Variants in ABI1 observed in about 807,000 individuals in gnomAD.
ABI1 encodes Abelson interactor 1.
ABI1 carries 14 observed loss-of-function variants against 54.6 expected under a neutral mutation model. The observed-to-expected ratio is 0.26, with a 90% CI of 0.17 to 0.40. The LOEUF (loss-of-function observed/expected upper bound fraction) is 0.40, where lower values mean the gene tolerates loss of function less well. Among genes scored for constraint, ABI1 ranks in the 10% least tolerant of loss-of-function variants. The pLI is 1.00. For synonymous variants in ABI1, 194 were observed against 209.3 expected, an observed-to-expected ratio of 0.93 and a Z score of 0.63; for missense variants, 443 against 598.3, an observed-to-expected ratio of 0.74 and a Z score of 2.71.
At chr10:26,852,368 A>T (rs2050465239) in intron 1 of ABI1, among the ~76,000 whole-genome samples, 1 of 152,058 alleles carries the variant, frequency 6.6e-6, no homozygotes, top group African/African-American at 2.4e-5. Context: ...AATCCCAGCT[A>T]CTCAGGATGC....
chr10:26,836,664 G>A (rs2049101749), intron 1 of ABI1, among the ~76,000 whole-genome samples: 1 of 152,080 alleles, frequency 6.6e-6, no homozygotes, highest in South Asian at 2.1e-4. Context: ...CTAAGAATAA[G>A]GCTAATAGTA....
At chr10:26,842,040 C>G (rs1311253026) in intron 1 of ABI1, among the ~76,000 whole-genome samples, 5 of 152,192 alleles carry the variant, frequency 3.3e-5, no homozygotes, top group African/African-American at 4.8e-5. Context: ...CCAATCCACA[C>G]TCCCACCAAC....
chr10:26,796,934 G>A (rs970684178), intron 2 of ABI1, among the ~76,000 whole-genome samples: 6 of 152,074 alleles, frequency 3.9e-5, no homozygotes, highest in Non-Finnish European at 5.9e-5. Flanking sequence ...TAGGGTTTGC[G>A]CTCCTGTGAG....
intron 2 of ABI1, among the ~76,000 whole-genome samples, chr10:26,815,486 A>G (rs1192274486): frequency 6.6e-6 from 1 of 152,250 alleles, no homozygotes; most frequent in African/African-American, 2.4e-5. Flanking sequence ...AATAAAGAAG[A>G]AAAATAATTT....
At chr10:26,838,397 T>A (rs893138487) in intron 1 of ABI1, among the ~76,000 whole-genome samples, 4 of 152,064 alleles carry the variant, frequency 2.6e-5, no homozygotes, top group African/African-American at 9.7e-5. Flanking sequence ...AGAATCAGTT[T>A]AGGGAAAGGG....
chr10:26,761,814 C>T (rs554768988), intron 7 of ABI1, among the ~76,000 whole-genome samples: 1 of 151,260 alleles, frequency 6.6e-6, no homozygotes, highest in South Asian at 2.1e-4. Context: ...CTATGCATAT[C>T]AATGTCATTC....
chr10:26,763,296 C>G (rs1300539050), intron 7 of ABI1, among the ~76,000 whole-genome samples: 1 of 152,210 alleles, frequency 6.6e-6, no homozygotes, highest in East Asian at 1.9e-4. Flanking sequence ...ATGGTTTTTA[C>G]ATTGACATTT....
In ABI1 at chr10:26,835,106, A is replaced by AAAAAAC. The variant is rs1564561552; in HGVS notation, c.118-11802_118-11801insGTTTTT. ...TCTACCTCAAAAAAAAAAAAAAAAA[A>AAAAAAC]AAAAAAAAACCCACAATGCAATATC... On this transcript the variant is annotated intron_variant, in intron 1 of 10. Transcript: ENST00000376140. 4.8e-5 allele frequency among the ~76,000 whole-genome samples: 6 copies of AAAAAAC among 124,754 alleles called. 1 individual carries two copies. The highest frequency in any genetic ancestry group is 1.3e-4 in the African/African-American group (4 of 30,848). 81.8% of individuals were successfully genotyped at this position (124,754 alleles called of 152,430 possible). A position where few individuals can be genotyped will look rare whatever the true frequency, so the allele number is the denominator to read the frequency against.
Position 26,748,553 on chromosome 10 carries a change from C to G in ABI1, c.*17G>C. 2 of 1,577,690 alleles carry G rather than the reference C, an allele frequency of 1.3e-6. No individual in the cohort carries two copies. Among genetic ancestry groups the G allele is most frequent in the Non-Finnish European group, 1.7e-6 (2 of 1,161,948 alleles). ...ATGACTGAGTAATAAGAATCTACTT[C>G]AAAAGAAAAAAAAAAATTAATCAGT... On this transcript the variant is annotated 3_prime_UTR_variant, in exon 11 of 11. Transcript: ENST00000376140.
intron 3 of ABI1, among the ~76,000 whole-genome samples, chr10:26,772,451 C>CA (rs1840809999): frequency 1.3e-5 from 2 of 152,038 alleles, no homozygotes; most frequent in African/African-American, 4.8e-5. Flanking sequence ...TTTGTCATTT[C>CA]AAGTGGATAA....
At chr10:26,794,125 C>T (rs1225247759) in intron 2 of ABI1, among the ~76,000 whole-genome samples, 20 of 152,052 alleles carry the variant, frequency 1.3e-4, no homozygotes, top group Admixed American at 1.3e-3. Context: ...CGCCTGTAGT[C>T]CCAGCTACTC....
intron 9 of ABI1, among the ~76,000 whole-genome samples, chr10:26,754,895 T>C (rs1230498539): frequency 6.6e-6 from 1 of 152,110 alleles, no homozygotes; most frequent in Non-Finnish European, 1.5e-5. Flanking sequence ...CAGGCAGTAA[T>C]ATAAACTAGT....
chr10:26,835,623 C>A (rs201557860), intron 1 of ABI1, among the ~76,000 whole-genome samples: 1 of 84,210 alleles, frequency 1.2e-5, no homozygotes, highest in East Asian at 5.3e-4. Flanking sequence ...AATACACACA[C>A]ACACACACAC....
At chr10:26,762,969 G>A (rs1019969064) in intron 7 of ABI1, among the ~76,000 whole-genome samples, 1 of 152,068 alleles carries the variant, frequency 6.6e-6, no homozygotes, top group African/African-American at 2.4e-5. Flanking sequence ...ACCAACACTG[G>A]TACTAGCTAA....
intron 2 of ABI1, among the ~76,000 whole-genome samples, chr10:26,807,741 T>C (rs1257623745): frequency 1.3e-5 from 2 of 152,190 alleles, no homozygotes; most frequent in African/African-American, 4.8e-5. Flanking sequence ...TCACAAGCTA[T>C]ATGCAGTTTC....
rs1476195536 is a variant in ABI1, at chr10:26,860,611, G to A, written c.117+136C>T. The A allele has an allele frequency of 4.0e-5, 28 of 697,642 alleles. No homozygotes were observed. The highest frequency in any genetic ancestry group is 7.9e-4 in the Middle Eastern group (2 of 2,520). 43.2% of individuals were successfully genotyped at this position (697,642 alleles called of 1,614,324 possible). A position where few individuals can be genotyped will look rare whatever the true frequency, so the allele number is the denominator to read the frequency against. On this transcript the variant is annotated intron_variant, in intron 1 of 10. Transcript: ENST00000376140. This position sits in a 1 kb window ranked among gnomAD's most constrained non-coding sequence, Gnocchi z 4.1. ...CTCGCTCTGTCCCCGGTTGGGGCTGGGGTTGGGGCTGCGGTAGGGGCTCGG... is the reference window on the plus strand; with the variant it reads ...CTCGCTCTGTCCCCGGTTGGGGCTGAGGTTGGGGCTGCGGTAGGGGCTCGG...
At chr10:26,773,215 C>CTGTTTTTTTTTTTTTTTT (rs1554811140) in intron 3 of ABI1, among the ~76,000 whole-genome samples, 1 of 92,528 alleles carries the variant, frequency 1.1e-5, no homozygotes, top group African/African-American at 4.5e-5. Flanking sequence ...AATGCTAATT[C>CTGTTTTTTTTTTTTTTTT]TTTTTTTTTT....
intron 3 of ABI1, among the ~76,000 whole-genome samples, chr10:26,773,328 A>C (rs1001746744): frequency 4.0e-5 from 6 of 150,214 alleles, no homozygotes; most frequent in Non-Finnish European, 8.8e-5. Context: ...CAGCCTCCCA[A>C]GTAGCTGGGA....
intron 8 of ABI1, 79 bp downstream of exon 8, chr10:26,758,983 T>C (rs181357163): frequency 7.4e-6 from 10 of 1,360,526 alleles, no homozygotes; most frequent in Non-Finnish European, 1.0e-5. Context: ...TGTCTATCAC[T>C]GGCAAGAATA....
Sources: gnomAD v4.1 joint callset for allele counts (sites outside exome capture counted in the v4.1 genomes callset) on GRCh38, gnomAD v4.1.1 for gene constraint, Gnocchi (gnomAD v3.1) non-coding constraint, MANE v1.5 for transcripts, NCBI Gene and HGNC (gene_info 2026-07-23, HGNC 2026-07-21) for gene names.